TMEM225B: variants seen among roughly 807,000 people sequenced by gnomAD.
The protein encoded by TMEM225B is transmembrane protein 225-like.
In TMEM225B, 10 loss-of-function variants were observed where a neutral mutation model predicts 16.9. That is an observed-to-expected ratio of 0.59 (90% CI 0.36 to 1.00). The LOEUF is 1.00. Ranked by LOEUF, TMEM225B falls within the 50% of genes least tolerant of loss-of-function variation. The pLI is 0.01. For synonymous variants in TMEM225B, 92 were observed against 109.8 expected (o/e 0.84, Z 1.01); for missense variants, 217 against 267.0 (o/e 0.81, Z 1.30).
At chr7:99,610,312 C>G in intron 5 of TMEM225B, 81 bp from the exon 6 acceptor site, 1 of 1,063,148 alleles carries the variant, frequency 9.4e-7, no homozygotes, top group Non-Finnish European at 1.3e-6. Flanking sequence ...GAGGGCAGCT[C>G]TGGAGCTAGA....
intron 3 of TMEM225B, among the ~76,000 whole-genome samples, chr7:99,606,273 C>T (rs1307489746): frequency 3.9e-5 from 6 of 152,080 alleles, no homozygotes; most frequent in East Asian, 1.9e-4. Context: ...CTAGCTTGGG[C>T]GACAGAGCAA....
At chr7:99,608,364 A>G (rs1322117093) in intron 5 of TMEM225B, among the ~76,000 whole-genome samples, 1 of 152,172 alleles carries the variant, frequency 6.6e-6, no homozygotes, top group Non-Finnish European at 1.5e-5. Flanking sequence ...CATATTGGAC[A>G]GTGCAGACAG....
chr7:99,606,668 G>C (rs1805836249), intron 3 of TMEM225B, 80 bp from the exon 4 acceptor site: 1 of 1,396,612 alleles, frequency 7.2e-7, no homozygotes, highest in Non-Finnish European at 9.6e-7. Context: ...CCGGGGGCCA[G>C]CCCTGCCCAG....
chr7:99,603,455 G>C (rs1169374718), intron 2 of TMEM225B, among the ~76,000 whole-genome samples: 2 of 152,190 alleles, frequency 1.3e-5, no homozygotes, highest in Admixed American at 1.3e-4. Flanking sequence ...ACCTTGGGAG[G>C]CTGAGGCGGG....
intron 5 of TMEM225B, among the ~76,000 whole-genome samples, chr7:99,608,645 T>A (rs1806025635): frequency 6.8e-6 from 1 of 147,266 alleles, no homozygotes; most frequent in East Asian, 2.0e-4. Context: ...GCTCAAGCGA[T>A]CCTCCTGCCT....
intron 5 of TMEM225B, among the ~76,000 whole-genome samples, chr7:99,609,409 T>G (rs1219068754): frequency 6.6e-6 from 1 of 152,146 alleles, no homozygotes; most frequent in Non-Finnish European, 1.5e-5. Flanking sequence ...TAACACAGCA[T>G]TGATCATTTA....
At chr7:99,604,147 C>G (rs1482950354) in intron 2 of TMEM225B, among the ~76,000 whole-genome samples, 2 of 152,262 alleles carry the variant, frequency 1.3e-5, no homozygotes, top group East Asian at 3.9e-4. Flanking sequence ...GAGAGGGAAC[C>G]TGACATGCCC....
chr7:99,610,710 C>A lies in TMEM225B; in HGVS notation c.*145C>A. ...GATCAACTCTCCACCTCCCCATACTCACAGTGATTCTATCTTGCTTGTATG... is the reference window on the plus strand; with the variant it reads ...GATCAACTCTCCACCTCCCCATACTAACAGTGATTCTATCTTGCTTGTATG... On this transcript the variant is annotated 3_prime_UTR_variant, in exon 6 of 6. Coordinates refer to ENST00000431679, the MANE Select transcript of TMEM225B (RefSeq NM_001195541.3). 1 of 596,142 alleles carries A rather than the reference C, an allele frequency of 1.7e-6. No individual in the cohort carries two copies. Among genetic ancestry groups the A allele is most frequent in the Non-Finnish European group, 2.8e-6 (1 of 352,788 alleles). 36.9% of individuals were successfully genotyped at this position (596,142 alleles called of 1,614,324 possible).
chr7:99,607,136 T>C (rs936247111), intron 4 of TMEM225B, among the ~76,000 whole-genome samples: 19 of 152,010 alleles, frequency 1.2e-4, no homozygotes, highest in East Asian at 3.9e-4. Flanking sequence ...TCTAGGCATG[T>C]GCCACCATTC....
chr7:99,606,761 C>T lies in TMEM225B; in HGVS notation c.222C>T (p.Leu74=), dbSNP rs917407585. The T allele has an allele frequency of 2.6e-5, 40 of 1,535,932 alleles. No homozygotes were observed. The highest frequency in any genetic ancestry group is 1.2e-4 in the East Asian group (5 of 40,912). ...CCTCCCCTGCAGTTTACATCATCCT[C>T]GGCCGGGTTTTCCTGCTCTCTGCAG... ...KPRPLSIYII[L]GRVFLLSAVF... The change falls in exon 4 of 6, where the codon CTC becomes CTT. Residue 74 remains leucine, a synonymous_variant. Transcript: ENST00000431679.
rs1221207410 is a variant in TMEM225B, at chr7:99,610,679, G to GA, written c.*114_*115insA. 5 of 840,386 alleles carry GA rather than the reference G, an allele frequency of 5.9e-6. No homozygotes were observed. The Admixed American group carries it at 1.3e-4, about 22-fold the overall frequency. 52.1% of individuals were successfully genotyped at this position (840,386 alleles called of 1,614,324 possible). On this transcript the variant is annotated 3_prime_UTR_variant, in exon 6 of 6. Transcript: ENST00000431679. ...TCTGTGCCTTTGAGGAGCTTCTTGC[G>GA]TGTCAGATCAACTCTCCACCTCCCC... is the stretch of plus-strand genomic sequence containing the variant.
At chr7:99,609,484 G>A (rs1421906035) in intron 5 of TMEM225B, among the ~76,000 whole-genome samples, 2 of 152,076 alleles carry the variant, frequency 1.3e-5, no homozygotes, top group African/African-American at 4.8e-5. Flanking sequence ...TGTCACCCAG[G>A]CTGGAGTGCA....
intron 4 of TMEM225B, among the ~76,000 whole-genome samples, chr7:99,607,472 G>T (rs915629088): frequency 6.6e-6 from 1 of 152,226 alleles, no homozygotes; most frequent in African/African-American, 2.4e-5. Flanking sequence ...GAGTTCTGAT[G>T]ATGGTTCCCT....
chr7:99,610,415 A>T lies in TMEM225B; in HGVS notation c.516A>T (p.Glu172Asp). 1 of 1,535,812 alleles carries T rather than the reference A, an allele frequency of 6.5e-7. No individual in the cohort carries two copies. The highest frequency in any genetic ancestry group is 1.4e-5 in the African/African-American group (1 of 73,138). ...IVAGTICLIQ[E>D]MVCPCWHLLS... ...TAGGTACCATCTGCCTCATTCAAGA[A>T]ATGGTTTGCCCTTGCTGGCACTTGT... The change falls in exon 6 of 6, where the codon GAA (glutamate) becomes GAT (aspartate). Residue 172 changes from glutamate to aspartate, a missense_variant. Coordinates refer to ENST00000431679, the MANE Select transcript of TMEM225B (RefSeq NM_001195541.3).
chr7:99,610,434 C>A lies in TMEM225B; in HGVS notation c.535C>A (p.His179Asn). 1 of 1,536,032 alleles carries A rather than the reference C, an allele frequency of 6.5e-7. No individual in the cohort carries two copies. Among genetic ancestry groups the A allele is most frequent in the South Asian group, 1.2e-5 (1 of 84,054 alleles). Reference sequence around the variant, plus strand: ...TCAAGAAATGGTTTGCCCTTGCTGGCACTTGTTGTCCACTTCCCAGAGTAT... The same window carrying A: ...TCAAGAAATGGTTTGCCCTTGCTGGAACTTGTTGTCCACTTCCCAGAGTAT... ...LIQEMVCPCW[H>N]LLSTSQSMEE... The change falls in exon 6 of 6, where the codon CAC becomes AAC. Residue 179 changes from histidine to asparagine, a missense_variant. Transcript: ENST00000431679.
chr7:99,602,336 GTT>G (rs1227924906), intron 2 of TMEM225B, among the ~76,000 whole-genome samples: 1 of 152,204 alleles, frequency 6.6e-6, no homozygotes, highest in East Asian at 1.9e-4. Context: ...TTGTCCTGAA[GTT>G]GGGTGTGGCC....
chr7:99,600,061 C>T (rs1393307071), intron 1 of TMEM225B, 144 bp from the exon 2 acceptor site: 1 of 621,326 alleles, frequency 1.6e-6, no homozygotes, highest in African/African-American at 1.8e-5. Context: ...GGACAAGGTC[C>T]TCATCACTGG....
At position 99,600,274 on chromosome 7, in the gene TMEM225B, G is replaced by C. The variant is rs1361078739; in HGVS notation, c.-15G>C. The C allele has an allele frequency of 1.4e-6, 1 of 702,854 alleles. No homozygotes were observed. The highest frequency in any genetic ancestry group is 2.6e-6 in the Non-Finnish European group (1 of 385,002). The allele number at this position is 702,854 out of a possible 1,614,324, so 43.5% of individuals were successfully genotyped here. ...TCCCCACCATTGGCCTACATTGGGA[G>C]TGGGGCGACCTGTAAGTGCACAGTG... On this transcript the variant is annotated 5_prime_UTR_variant, in exon 2 of 6. Coordinates refer to ENST00000431679, the MANE Select transcript of TMEM225B (RefSeq NM_001195541.3).
chr7:99,603,087 G>A (rs571850464), intron 2 of TMEM225B, among the ~76,000 whole-genome samples: 6 of 152,220 alleles, frequency 3.9e-5, no homozygotes, highest in East Asian at 3.9e-4. Flanking sequence ...GGAACTCCAC[G>A]TGATAGGGAT....
Sources: gnomAD v4.1 joint callset for allele counts (sites outside exome capture counted in the v4.1 genomes callset) on GRCh38, gnomAD v4.1.1 for gene constraint, MANE v1.5 for transcripts, NCBI Gene and HGNC (gene_info 2026-07-23, HGNC 2026-07-21) for gene names.